IQGAP1: variants seen among roughly 807,000 people sequenced by gnomAD.
IQGAP1 encodes the protein IQ motif containing GTPase activating protein 1, also known as ras GTPase-activating-like protein IQGAP1.
Under a neutral mutation model 215.6 loss-of-function variants are expected in IQGAP1, and 66 were observed. The ratio of observed to expected loss-of-function variants is 0.31; its 90% CI spans 0.25 to 0.38. The LOEUF (loss-of-function observed/expected upper bound fraction) is 0.38, where lower values mean the gene tolerates loss of function less well. Ranked by LOEUF, IQGAP1 falls within the 10% of genes least tolerant of loss-of-function variation. The probability of loss-of-function intolerance (pLI) is 1.00; values close to 1 mark genes in which losing one functional copy is unlikely to be tolerated. For missense variants in IQGAP1, 1,712 were observed against 1,997.1 expected (o/e 0.86, Z 2.72); for synonymous variants, 772 against 728.7 (o/e 1.06, Z -0.96).
intron 5 of IQGAP1, among the ~76,000 whole-genome samples, chr15:90,438,271 A>G (rs73478817): frequency 0.02 from 3,068 of 152,210 alleles, 86 homozygotes; most frequent in African/African-American, 0.07. Flanking sequence ...GATCTCTTCT[A>G]ATTTATTGAT....
intron 28 of IQGAP1, chr15:90,483,160 A>G (rs944598142): frequency 1.1e-5 from 6 of 537,424 alleles, no homozygotes; most frequent in African/African-American, 9.5e-5. Context: ...GTTTTCCTGT[A>G]TTGAACAAAG....
At chr15:90,421,610 A>C (rs1965137811) in intron 2 of IQGAP1, among the ~76,000 whole-genome samples, 1 of 152,240 alleles carries the variant, frequency 6.6e-6, no homozygotes, top group African/African-American at 2.4e-5. Context: ...ATAATGAAGA[A>C]GGTGATAGTC....
intron 2 of IQGAP1, among the ~76,000 whole-genome samples, chr15:90,422,652 ATATATATG>A (rs1484012449): frequency 0.015 from 994 of 65,830 alleles, 48 homozygotes; most frequent in South Asian, 0.026. Context: ...ATATGTATAT[ATATATATG>A]TATATATATA....
chr15:90,449,515 A>C, intron 10 of IQGAP1, 44 bp from the exon 11 acceptor site: 1 of 1,504,032 alleles, frequency 6.6e-7, no homozygotes, highest in Admixed American at 1.8e-5. Flanking sequence ...GCCTGGAGTC[A>C]TAGGAATGAG....
In IQGAP1 at chr15:90,395,896, C is replaced by CT. The variant is rs544454161; in HGVS notation, c.155+5024dup. 9.8e-5 allele frequency among the ~76,000 whole-genome samples: 15 copies of CT among 152,332 alleles called. No homozygotes were observed. In the South Asian group the frequency reaches 2.9e-3, roughly 29 times the overall value. On this transcript the variant is annotated intron_variant, in intron 2 of 37. Transcript: ENST00000268182. Reference sequence around the variant, plus strand: ...GGAAGAAAGTTAATTCCAGCATTCTCTGAGTTTCAGACAATTCCTGGTGTG... The same window carrying CT: ...GGAAGAAAGTTAATTCCAGCATTCTCTTGAGTTTCAGACAATTCCTGGTGTG...
intron 2 of IQGAP1, among the ~76,000 whole-genome samples, chr15:90,418,624 C>G (rs1370918102): frequency 6.6e-6 from 1 of 152,050 alleles, no homozygotes; most frequent in Non-Finnish European, 1.5e-5. Flanking sequence ...TAAAGATAGC[C>G]TTTTGTATAA....
In IQGAP1 at chr15:90,470,452, T is replaced by G. The variant is rs541707918; in HGVS notation, c.2179-2388T>G. Among the ~76,000 whole-genome samples, 171 of 152,332 alleles carry G rather than the reference T, an allele frequency of 1.1e-3. 1 individual carries two copies. The highest frequency in any genetic ancestry group is 3.9e-3 in the African/African-American group (161 of 41,580). ...TTCTAGTGCGAGGTCTGAGAAAATC[T>G]GTTTCTGACAAGCTTTCAGGTGATG... On this transcript the variant is annotated intron_variant, in intron 18 of 37. Coordinates refer to ENST00000268182, the MANE Select transcript of IQGAP1 (RefSeq NM_003870.4).
chr15:90,479,437 TC>T (rs1434834280), intron 26 of IQGAP1, among the ~76,000 whole-genome samples: 8 of 152,116 alleles, frequency 5.3e-5, no homozygotes, highest in Non-Finnish European at 1.0e-4. Context: ...TTCTGCTGAC[TC>T]CTTGAAAGGG....
intron 15 of IQGAP1, among the ~76,000 whole-genome samples, chr15:90,465,343 C>CAT (rs912325492): frequency 7.2e-5 from 11 of 152,186 alleles, no homozygotes; most frequent in African/African-American, 2.4e-4. Flanking sequence ...ACTGCATATT[C>CAT]ATATATATAC....
chr15:90,444,287 A>ATTT lies in IQGAP1; in HGVS notation c.913+810_913+811insTTT, dbSNP rs1276362322. On this transcript the variant is annotated intron_variant, in intron 9 of 37. Transcript: ENST00000268182. Reference sequence around the variant, plus strand: ...TGTGTGTGTGTGTGTGTGTATATATATATTTTTTTTTTTCTTTAAGAGACA... The same window carrying ATTT: ...TGTGTGTGTGTGTGTGTGTATATATATTTTATTTTTTTTTTTCTTTAAGAGACA... Among the ~76,000 whole-genome samples the ATTT allele has an allele frequency of 1.1e-4, 10 of 91,072 alleles. 1 individual carries two copies. The South Asian group carries it at 1.5e-3, about 14-fold the overall frequency. 59.7% of individuals were successfully genotyped at this position (91,072 alleles called of 152,430 possible).
intron 5 of IQGAP1, among the ~76,000 whole-genome samples, chr15:90,437,769 C>A (rs1467619027): frequency 6.6e-6 from 1 of 152,066 alleles, no homozygotes. Flanking sequence ...GAATTCCTGA[C>A]CTCAAGCTAT....
intron 4 of IQGAP1, among the ~76,000 whole-genome samples, chr15:90,431,582 G>T (rs1892643931): frequency 6.6e-6 from 1 of 152,116 alleles, no homozygotes; most frequent in Non-Finnish European, 1.5e-5. Flanking sequence ...TTTACTAACA[G>T]TAGTATATTG....
intron 19 of IQGAP1, among the ~76,000 whole-genome samples, chr15:90,473,232 C>T (rs148201824): frequency 2.6e-4 from 39 of 152,272 alleles, no homozygotes; most frequent in Admixed American, 7.2e-4. Flanking sequence ...CTCTTCCTCT[C>T]TTCTTCTAAG....
rs1303685086 is a variant in IQGAP1, at chr15:90,501,335, G to A, written c.*1227G>A. 1 of 149,276 alleles carries A rather than the reference G, an allele frequency of 6.7e-6. No homozygotes were observed. Among genetic ancestry groups the A allele is most frequent in the Non-Finnish European group, 1.5e-5 (1 of 67,544 alleles). 9.2% of individuals were successfully genotyped at this position (149,276 alleles called of 1,614,324 possible). ...GGGCTTAGTTTAAAAAAAAAATCAA[G>A]TCTAAACATTGCATTTAGAAAGCTT... On this transcript the variant is annotated 3_prime_UTR_variant, in exon 38 of 38. Coordinates refer to ENST00000268182, the MANE Select transcript of IQGAP1 (RefSeq NM_003870.4).
At chr15:90,442,344 T>C (rs1202022391) in intron 8 of IQGAP1, among the ~76,000 whole-genome samples, 1 of 151,494 alleles carries the variant, frequency 6.6e-6, no homozygotes, top group African/African-American at 2.4e-5. Context: ...TAATCCCAGG[T>C]ACTTGGGAGG....
intron 37 of IQGAP1, among the ~76,000 whole-genome samples, chr15:90,499,001 A>G (rs1410528051): frequency 1.3e-5 from 2 of 152,148 alleles, no homozygotes; most frequent in Non-Finnish European, 2.9e-5. Context: ...TATTTTTAGT[A>G]GAAACAGGGT....
At chr15:90,405,386 T>C (rs1964863497) in intron 2 of IQGAP1, among the ~76,000 whole-genome samples, 1 of 152,226 alleles carries the variant, frequency 6.6e-6, no homozygotes, top group African/African-American at 2.4e-5. Flanking sequence ...AAAGTTGGCG[T>C]TGAGAAAACA....
chr15:90,494,924 A>AT, intron 36 of IQGAP1, 89 bp downstream of exon 36: 1 of 920,258 alleles, frequency 1.1e-6, no homozygotes, highest in African/African-American at 1.7e-5. Flanking sequence ...TCTTTTCTGG[A>AT]TGGTTACTTT....
At chr15:90,388,961 C>T (rs1596242063) in intron 1 of IQGAP1, among the ~76,000 whole-genome samples, 1 of 152,112 alleles carries the variant, frequency 6.6e-6, no homozygotes, top group Non-Finnish European at 1.5e-5. Flanking sequence ...AAAAAAGAAG[C>T]AGAAAATCCT....
Sources: gnomAD v4.1 joint callset for allele counts (sites outside exome capture counted in the v4.1 genomes callset) on GRCh38, gnomAD v4.1.1 for gene constraint, MANE v1.5 for transcripts, NCBI Gene and HGNC (gene_info 2026-07-23, HGNC 2026-07-21) for gene names.